Variants in SP4 observed in about 807,000 individuals in gnomAD.
SP4 encodes the protein transcription factor Sp4.
A neutral mutation model predicts 72.8 loss-of-function variants in SP4; 19 were observed. The observed-to-expected ratio is 0.26, with a 90% CI of 0.18 to 0.38. The LOEUF is 0.38. Ranked by LOEUF, SP4 falls within the 10% of genes least tolerant of loss-of-function variation. The pLI is 1.00. For missense variants in SP4, 1,008 were observed against 926.3 expected, an observed-to-expected ratio of 1.09 and a Z score of -1.14; for synonymous variants, 395 against 333.1, an observed-to-expected ratio of 1.19 and a Z score of -2.02.
At chr7:21,447,448 A>G (rs1341689265) in intron 3 of SP4, among the ~76,000 whole-genome samples, 1 of 152,194 alleles carries the variant, frequency 6.6e-6, no homozygotes, top group Non-Finnish European at 1.5e-5. Flanking sequence ...ATTTAGTAGA[A>G]GAGTTAGATG....
At chr7:21,455,315 T>C (rs1314794127) in intron 3 of SP4, among the ~76,000 whole-genome samples, 1 of 152,190 alleles carries the variant, frequency 6.6e-6, no homozygotes, top group Non-Finnish European at 1.5e-5. Context: ...TCCAGTTTAT[T>C]TTTAGGCCAA....
At chr7:21,483,113 G>A (rs1784732255) in intron 5 of SP4, among the ~76,000 whole-genome samples, 1 of 152,050 alleles carries the variant, frequency 6.6e-6, no homozygotes, top group South Asian at 2.1e-4. Flanking sequence ...ACCCAGTAGT[G>A]TCAGGCCTTG....
rs1184066178 is a variant in SP4, at chr7:21,512,290, C to A, written c.*1021C>A. 2 of 152,524 alleles carry A rather than the reference C, an allele frequency of 1.3e-5. No homozygotes were observed. The highest frequency in any genetic ancestry group is 4.1e-4 in the South Asian group (2 of 4,830). The allele number at this position is 152,524 out of a possible 1,614,324, so 9.4% of individuals were successfully genotyped here. On this transcript the variant is annotated 3_prime_UTR_variant, in exon 6 of 6. Transcript: ENST00000222584. Reference sequence around the variant, plus strand: ...AGGCCAGCAGAAAATTCTCTTTTAACTACATTGTAATTCTTGTTTTCCTCT... The same window carrying A: ...AGGCCAGCAGAAAATTCTCTTTTAAATACATTGTAATTCTTGTTTTCCTCT...
rs1562577660 is a variant in SP4 at position 21,428,809 on chromosome 7, T to C, written c.123+17T>C. 1.3e-6 allele frequency: 2 copies of C among 1,538,660 alleles called. No homozygotes were observed. Among genetic ancestry groups the C allele is most frequent in the Non-Finnish European group, 1.8e-6 (2 of 1,140,870 alleles). On this transcript the variant is annotated intron_variant, in intron 2 of 5. Transcript: ENST00000222584. Reference sequence around the variant, plus strand: ...GGCTCCCAGGTAAAAGCAAACAAATTAAAAAAATTCATCACGACACATTAG... The same window carrying C: ...GGCTCCCAGGTAAAAGCAAACAAATCAAAAAAATTCATCACGACACATTAG...
At chr7:21,428,549 T>A (rs1465705122) in intron 1 of SP4, 128 bp from the exon 2 acceptor site, 4 of 1,002,842 alleles carry the variant, frequency 4.0e-6, no homozygotes. Context: ...CCTGCCGGTG[T>A]GCGTGGATCG....
chr7:21,441,961 T>C (rs911315419), intron 3 of SP4, among the ~76,000 whole-genome samples: 1 of 152,050 alleles, frequency 6.6e-6, no homozygotes, highest in Admixed American at 6.6e-5. Context: ...TTCTAGGACA[T>C]GCTTTTTACA....
chr7:21,499,403 G>C (rs1562627496), intron 5 of SP4, among the ~76,000 whole-genome samples: 1 of 152,188 alleles, frequency 6.6e-6, no homozygotes, highest in Non-Finnish European at 1.5e-5. Context: ...ATTAGGGTGG[G>C]CCCTAAACTC....
Position 21,481,905 on chromosome 7 carries a change from C to T in SP4, c.1908-19C>T, listed in dbSNP as rs574774004. ...ACTATTTGGCAGTGTAATTAATGTT[C>T]GGTTTTTGTTTTTGCTAGAGGCAGT... On this transcript the variant is annotated intron_variant, in intron 4 of 5. Transcript: ENST00000222584. The T allele has an allele frequency of 1.6e-5, 25 of 1,574,138 alleles. No homozygotes were observed. Among genetic ancestry groups the T allele is most frequent in the Non-Finnish European group, 2.2e-5 (25 of 1,144,174 alleles).
chr7:21,460,721 C>G (rs751383320), intron 3 of SP4, among the ~76,000 whole-genome samples: 8 of 152,144 alleles, frequency 5.3e-5, no homozygotes, highest in Non-Finnish European at 7.3e-5. Flanking sequence ...AATCCCTGAG[C>G]TAGACACAAA....
chr7:21,428,266 T>A lies in SP4; in HGVS notation c.7+8T>A. Reference sequence around the variant, plus strand: ...GTTAATGCGGGATGAGCGGTACGTATTCTCCACCCCCCTCAGTCTCCTTCG... The same window carrying A: ...GTTAATGCGGGATGAGCGGTACGTAATCTCCACCCCCCTCAGTCTCCTTCG... On this transcript the variant is annotated splice_region_variant and intron_variant, in intron 1 of 5. Transcript: ENST00000222584. 1 of 1,475,996 alleles carries A rather than the reference T, an allele frequency of 6.8e-7. No individual in the cohort carries two copies. The highest frequency in any genetic ancestry group is 9.2e-7 in the Non-Finnish European group (1 of 1,088,116). 91.4% of individuals were successfully genotyped at this position (1,475,996 alleles called of 1,614,324 possible). A position where few individuals can be genotyped will look rare whatever the true frequency, so the allele number is the denominator to read the frequency against.
At position 21,430,094 on chromosome 7, in the gene SP4, C is replaced by T. The variant is rs1782785890; in HGVS notation, c.929C>T (p.Ser310Phe). The T allele has an allele frequency of 1.2e-6, 2 of 1,614,206 alleles. No individual in the cohort carries two copies. Among genetic ancestry groups the T allele is most frequent in the East Asian group, 4.5e-5 (2 of 44,884 alleles). Residue 310 changes from serine to phenylalanine, a missense_variant, in exon 3 of 6, where the codon TCT becomes TTT. Physicochemically the swap from Ser to Phe is radical, Grantham distance 155. This residue lies in a region of SP4 where 893 missense variants were observed against 743.3 expected (regional missense o/e 1.20). Coordinates refer to ENST00000222584, the MANE Select transcript of SP4 (RefSeq NM_003112.5). Reference sequence around the variant, plus strand: ...TCCACACCCACCAACACCACTACTTCTGCCAGTACTATGCCAGAATCTCCC... The same window carrying T: ...TCCACACCCACCAACACCACTACTTTTGCCAGTACTATGCCAGAATCTCCC... ...LVSTPTNTTT[S>F]ASTMPESPSS...
At chr7:21,462,130 A>G (rs925291571) in intron 3 of SP4, among the ~76,000 whole-genome samples, 2 of 151,928 alleles carry the variant, frequency 1.3e-5, no homozygotes, top group South Asian at 4.2e-4. Flanking sequence ...GGCTGAAGCA[A>G]TCCGCCCACC....
chr7:21,502,158 A>T (rs1313167935), intron 5 of SP4, among the ~76,000 whole-genome samples: 1 of 150,880 alleles, frequency 6.6e-6, no homozygotes, highest in Non-Finnish European at 1.5e-5. Context: ...GAATACCAGG[A>T]TGAAGGGAAT....
chr7:21,487,366 C>G (rs1221302260), intron 5 of SP4, among the ~76,000 whole-genome samples: 3 of 147,358 alleles, frequency 2.0e-5, no homozygotes, highest in African/African-American at 7.5e-5. Flanking sequence ...CTCTCTCTCT[C>G]TGTCTCTCTG....
intron 3 of SP4, among the ~76,000 whole-genome samples, chr7:21,474,044 T>G (rs1264971143): frequency 3.9e-5 from 6 of 152,200 alleles, no homozygotes; most frequent in Non-Finnish European, 8.8e-5. Context: ...TGTTATTCAT[T>G]GAAATAACTT....
intron 3 of SP4, among the ~76,000 whole-genome samples, chr7:21,461,593 C>A (rs373176567): frequency 6.6e-6 from 1 of 152,188 alleles, no homozygotes; most frequent in African/African-American, 2.4e-5. Context: ...CTGCAAACAC[C>A]GCGCGCAGCC....
chr7:21,506,873 C>G (rs1782011826), intron 5 of SP4, among the ~76,000 whole-genome samples: 1 of 152,150 alleles, frequency 6.6e-6, no homozygotes, highest in African/African-American at 2.4e-5. Context: ...GTCCTATGTC[C>G]TACGAGTGGA....
At chr7:21,447,844 C>T (rs549485927) in intron 3 of SP4, among the ~76,000 whole-genome samples, 3 of 152,096 alleles carry the variant, frequency 2.0e-5, no homozygotes, top group Non-Finnish European at 2.9e-5. Flanking sequence ...CTACCACACC[C>T]GGCTAATTTT....
chr7:21,506,275 G>A (rs769371950), intron 5 of SP4, among the ~76,000 whole-genome samples: 1 of 152,168 alleles, frequency 6.6e-6, no homozygotes, highest in Non-Finnish European at 1.5e-5. Context: ...AACCAAAAAT[G>A]TCACTTCTCC....
Sources: allele counts gnomAD v4.1 joint callset (sites outside exome capture counted in the v4.1 genomes callset), GRCh38; gene constraint gnomAD v4.1.1; regional missense constraint gnomAD v4.1.1; transcripts MANE v1.5; gene names NCBI Gene and HGNC (gene_info 2026-07-23, HGNC 2026-07-21).